ARHGEF26: variants seen among roughly 807,000 people sequenced by gnomAD.
ARHGEF26 encodes the protein Rho guanine nucleotide exchange factor (GEF) 26.
A neutral mutation model predicts 89.4 loss-of-function variants in ARHGEF26; 59 were observed. The ratio of observed to expected loss-of-function variants is 0.66; its 90% CI spans 0.54 to 0.82. The LOEUF is 0.82. Among genes scored for constraint, ARHGEF26 ranks in the 40% least tolerant of loss-of-function variants. The pLI is 0.00. For missense variants in ARHGEF26, 1,234 were observed against 1,085.6 expected, an observed-to-expected ratio of 1.14 and a Z score of -1.92; for synonymous variants, 500 against 428.4, an observed-to-expected ratio of 1.17 and a Z score of -2.06.
In ARHGEF26 at chr3:154,250,087, A is replaced by G. The variant is rs147194464; in HGVS notation, c.2301-3029A>G. 3.2e-3 allele frequency among the ~76,000 whole-genome samples: 489 copies of G among 152,102 alleles called. 1 individual carries two copies. Among genetic ancestry groups the G allele is most frequent in the African/African-American group, 0.011 (455 of 41,454 alleles). ...CTCTTGTCGCCTAGGCTGGAGTGCAATGGTGCACTCTTGGCTCACCGCAAC... is the reference window on the plus strand; with the variant it reads ...CTCTTGTCGCCTAGGCTGGAGTGCAGTGGTGCACTCTTGGCTCACCGCAAC... On this transcript the variant is annotated intron_variant, in intron 12 of 14. Coordinates refer to ENST00000465093, the MANE Select transcript of ARHGEF26 (RefSeq NM_015595.4).
intron 6 of ARHGEF26, among the ~76,000 whole-genome samples, chr3:154,163,913 G>A (rs1711820022): frequency 6.6e-6 from 1 of 151,874 alleles, no homozygotes; most frequent in Admixed American, 6.6e-5. Flanking sequence ...ACTTTTGCAT[G>A]TATGCTGTCT....
intron 6 of ARHGEF26, among the ~76,000 whole-genome samples, chr3:154,170,314 G>A (rs559504188): frequency 1.3e-5 from 2 of 152,282 alleles, no homozygotes; most frequent in African/African-American, 4.8e-5. Context: ...AGTGAGCTAT[G>A]ATTGTGCCAC....
chr3:154,149,695 T>C (rs1719902514), intron 5 of ARHGEF26, among the ~76,000 whole-genome samples: 1 of 152,174 alleles, frequency 6.6e-6, no homozygotes. Flanking sequence ...AGTTCAGGTA[T>C]TTAAACTGAG....
At chr3:154,129,838 T>C (rs1718572576) in intron 4 of ARHGEF26, 119 bp downstream of exon 4, 4 of 1,180,866 alleles carry the variant, frequency 3.4e-6, no homozygotes, top group Non-Finnish European at 4.7e-6. Flanking sequence ...GAAAGACTCT[T>C]TTTAGATTGT....
chr3:154,217,842 AC>A (rs1255629858), intron 9 of ARHGEF26, 26 bp from the exon 10 acceptor site: 1 of 1,557,212 alleles, frequency 6.4e-7, no homozygotes, highest in Non-Finnish European at 8.7e-7. Context: ...TTGACCTTTA[AC>A]CCTCGTTACT....
At chr3:154,129,834 CTCTT>C (rs1718572108) in intron 4 of ARHGEF26, 115 bp downstream of exon 4, 3 of 1,208,040 alleles carry the variant, frequency 2.5e-6, no homozygotes, top group Non-Finnish European at 2.3e-6. Context: ...AGGAGAAAGA[CTCTT>C]TTTAGATTGT....
At chr3:154,127,953 C>A (rs116165190) in intron 3 of ARHGEF26, among the ~76,000 whole-genome samples, 1 of 152,070 alleles carries the variant, frequency 6.6e-6, no homozygotes, top group East Asian at 1.9e-4. Context: ...CTCTTATGTT[C>A]GCATTATAGC....
At chr3:154,226,033 TGACTA>T (rs1716464575) in intron 11 of ARHGEF26, 23 bp downstream of exon 11, 2 of 1,593,006 alleles carry the variant, frequency 1.3e-6, no homozygotes, top group African/African-American at 2.7e-5. Context: ...CTGGTGTTGC[TGACTA>T]GACATTCCAG....
At chr3:154,189,168 A>C (rs868523279) in intron 7 of ARHGEF26, among the ~76,000 whole-genome samples, 1 of 152,172 alleles carries the variant, frequency 6.6e-6, no homozygotes, top group Middle Eastern at 3.4e-3. Context: ...ATTAGAGATA[A>C]ATTTGGGTTT....
rs1718084417 is a variant in ARHGEF26 at position 154,122,956 on chromosome 3, G to A, written c.964G>A (p.Val322Ile). The A allele has an allele frequency of 2.5e-6, 4 of 1,613,804 alleles. No individual in the cohort carries two copies. The highest frequency in any genetic ancestry group is 2.7e-5 in the African/African-American group (2 of 75,036). ...LRSTSYRRAV[V>I]SGFDFDSPTS... is the part of the protein sequence containing the mutation. The stretch of plus-strand genomic sequence containing the variant: ...GTCCACGTCTTATCGCAGGGCAGTG[G>A]TCAGTGGCTTTGATTTTGACAGTCC... The change falls in exon 2 of 15, where the codon GTC becomes ATC. Residue 322 changes from valine to isoleucine, a missense_variant. Physicochemically the swap from Val to Ile is conservative, Grantham distance 29. Transcript: ENST00000465093.
In ARHGEF26 at chr3:154,182,074, A is replaced by G. The variant is rs894660500; in HGVS notation, c.1488-5611A>G. 9.2e-5 allele frequency among the ~76,000 whole-genome samples: 14 copies of G among 151,798 alleles called. 1 individual carries two copies. Among genetic ancestry groups the G allele is most frequent in the African/African-American group, 2.4e-4 (10 of 41,312 alleles). ...GTATATATACACACACAATATATAT[A>G]TACACACACACTATATATATATATA... On this transcript the variant is annotated intron_variant, in intron 6 of 14. Transcript: ENST00000465093.
chr3:154,192,444 G>T (rs933825657), intron 8 of ARHGEF26, among the ~76,000 whole-genome samples: 3 of 152,196 alleles, frequency 2.0e-5, no homozygotes, highest in Non-Finnish European at 1.5e-5. Context: ...TTTTGGAGAC[G>T]TTTTGTCAGG....
intron 2 of ARHGEF26, 144 bp from the exon 3 acceptor site, chr3:154,124,266 T>C: frequency 1.6e-6 from 1 of 621,038 alleles, no homozygotes; most frequent in South Asian, 2.0e-5. Context: ...GGGCTCAGCT[T>C]CTGTGCGCTC....
In ARHGEF26 at chr3:154,149,352, A is replaced by C. The variant is rs779938233; in HGVS notation, c.1270-37A>C. 1.2e-5 allele frequency: 18 copies of C among 1,557,270 alleles called. No homozygotes were observed. The Admixed American group carries it at 3.3e-4, about 29-fold the overall frequency. ...ATGCCCTTGAAACTTTTAAAGTATT[A>C]ATAAATGAGTCAACTCTACTTTGCT... On this transcript the variant is annotated intron_variant, in intron 4 of 14. Coordinates refer to ENST00000465093, the MANE Select transcript of ARHGEF26 (RefSeq NM_015595.4).
intron 3 of ARHGEF26, among the ~76,000 whole-genome samples, chr3:154,127,058 T>G (rs1718374302): frequency 6.6e-6 from 1 of 152,182 alleles, no homozygotes; most frequent in Admixed American, 6.5e-5. Flanking sequence ...ACTCTTACCG[T>G]GAATGGAGCT....
At chr3:154,227,646 C>T (rs1716575389) in intron 11 of ARHGEF26, among the ~76,000 whole-genome samples, 1 of 152,102 alleles carries the variant, frequency 6.6e-6, no homozygotes, top group Admixed American at 6.5e-5. Context: ...TTGTTGGTTT[C>T]CTATGAGATA....
At chr3:154,160,186 C>T (rs1350438481) in intron 6 of ARHGEF26, among the ~76,000 whole-genome samples, 3 of 152,120 alleles carry the variant, frequency 2.0e-5, no homozygotes, top group African/African-American at 7.2e-5. Flanking sequence ...TTGAAATTCA[C>T]CCGAAGTATT....
intron 9 of ARHGEF26, among the ~76,000 whole-genome samples, chr3:154,198,788 G>A (rs1033668747): frequency 6.6e-6 from 1 of 152,092 alleles, no homozygotes; most frequent in South Asian, 2.1e-4. Flanking sequence ...CACTGCTCAG[G>A]TGATGGGTAC....
chr3:154,154,435 A>G (rs1229097896), intron 6 of ARHGEF26, among the ~76,000 whole-genome samples: 1 of 152,106 alleles, frequency 6.6e-6, no homozygotes, highest in Non-Finnish European at 1.5e-5. Context: ...TTAAAAGCCC[A>G]TAGACACTCC....
Sources: allele counts gnomAD v4.1 joint callset (sites outside exome capture counted in the v4.1 genomes callset), GRCh38; gene constraint gnomAD v4.1.1; transcripts MANE v1.5; gene names NCBI Gene and HGNC (gene_info 2026-07-23, HGNC 2026-07-21).